Variants in ZNF682 observed in about 807,000 individuals in gnomAD.
The protein encoded by ZNF682 is zinc finger protein 682.
In ZNF682, 29 loss-of-function variants were observed where a neutral mutation model predicts 36.5. That is an observed-to-expected ratio of 0.80 (90% CI 0.59 to 1.08). The LOEUF (loss-of-function observed/expected upper bound fraction) is 1.08, where lower values mean the gene tolerates loss of function less well. Ranked by LOEUF, ZNF682 falls within the 50% of genes least tolerant of loss-of-function variation. The pLI is 0.00. For synonymous variants in ZNF682, 180 were observed against 197.0 expected (o/e 0.91, Z 0.72); for missense variants, 561 against 579.7 (o/e 0.97, Z 0.33).
At chr19:20,003,059 T>A (rs545987582), downstream of ZNF682, among the ~76,000 whole-genome samples, 1 of 150,642 alleles carries the variant, frequency 6.6e-6, no homozygotes, top group East Asian at 2.0e-4. Flanking sequence ...GGCGTGGTGG[T>A]GGGCGCCTGT....
chr19:20,014,598 C>T (rs1025984116), intron 3 of ZNF682, among the ~76,000 whole-genome samples: 8 of 141,504 alleles, frequency 5.7e-5, no homozygotes, highest in East Asian at 2.0e-4. Context: ...GGTGAAACCT[C>T]GTCTCTACTA....
intron 1 of ZNF682, among the ~76,000 whole-genome samples, chr19:20,027,007 GTAAGTTCTAAAGCCAA>G (rs1223748444): frequency 6.6e-6 from 1 of 152,210 alleles, no homozygotes; most frequent in Non-Finnish European, 1.5e-5. Flanking sequence ...GTAAAAGTTT[GTAAGTTCTAAAGCCAA>G]GACATTCAAG....
At position 20,015,245 on chromosome 19, in the gene ZNF682, A is replaced by C; in HGVS notation, c.226+7759T>G. The C allele has an allele frequency of 6.1e-6, 6 of 985,396 alleles. No homozygotes were observed. The South Asian group carries it at 2.3e-4, about 39-fold the overall frequency. 61.0% of individuals were successfully genotyped at this position (985,396 alleles called of 1,614,324 possible). A position where few individuals can be genotyped will look rare whatever the true frequency, so the allele number is the denominator to read the frequency against. On this transcript the variant is annotated intron_variant, in intron 3 of 3. Coordinates refer to ENST00000397165, the MANE Select transcript of ZNF682 (RefSeq NM_033196.3). ...ACCAATGAATAGATGTTGAATTTAC[A>C]ACAATTCTCATGACTCCTCATCTAA...
intron 1 of ZNF682, among the ~76,000 whole-genome samples, chr19:20,026,767 C>G (rs2088435729): frequency 6.6e-6 from 1 of 152,122 alleles, no homozygotes; most frequent in South Asian, 2.1e-4. Flanking sequence ...TGCCCAGTCA[C>G]AAAGAGAACA....
chr19:20,000,713 G>A (rs796413844), downstream of ZNF682, among the ~76,000 whole-genome samples: 1 of 152,212 alleles, frequency 6.6e-6, no homozygotes, highest in Non-Finnish European at 1.5e-5. Context: ...CTATGCAGAT[G>A]TTCCTATGTG....
At chr19:20,031,759 A>G (rs1217294788) in intron 1 of ZNF682, among the ~76,000 whole-genome samples, 1 of 152,120 alleles carries the variant, frequency 6.6e-6, no homozygotes, top group African/African-American at 2.4e-5. Context: ...TGGCTAATAC[A>G]GTGAAACCCC....
chr19:19,996,153 A>G (rs1364699855), downstream of ZNF682, among the ~76,000 whole-genome samples: 1 of 152,222 alleles, frequency 6.6e-6, no homozygotes, highest in Non-Finnish European at 1.5e-5. Flanking sequence ...AGGAGGCTTG[A>G]GCACCCATGG....
chr19:20,017,287 A>T (rs1478081933), intron 3 of ZNF682, among the ~76,000 whole-genome samples: 3 of 152,232 alleles, frequency 2.0e-5, no homozygotes, highest in Non-Finnish European at 2.9e-5. Flanking sequence ...ATGAGTTAAA[A>T]ACAAAATCTT....
chr19:20,036,095 A>G (rs2122395177), intron 1 of ZNF682, among the ~76,000 whole-genome samples: 1 of 152,282 alleles, frequency 6.6e-6, no homozygotes, highest in Non-Finnish European at 1.5e-5. Flanking sequence ...ACATATAACT[A>G]TGCCAACTGT....
chr19:20,019,001 T>A (rs562145459), intron 3 of ZNF682, among the ~76,000 whole-genome samples: 1 of 152,292 alleles, frequency 6.6e-6, no homozygotes, highest in African/African-American at 2.4e-5. Context: ...AATCACATAT[T>A]TGATAGGAGT....
intron 1 of ZNF682, 84 bp from the exon 2 acceptor site, chr19:20,024,460 T>A: frequency 1.4e-6 from 2 of 1,435,920 alleles, no homozygotes; most frequent in Non-Finnish European, 1.9e-6. Context: ...TTGCTGTGAC[T>A]TATGAGAGTT....
chr19:20,035,509 C>G (rs2088520832), intron 1 of ZNF682, among the ~76,000 whole-genome samples: 2 of 151,972 alleles, frequency 1.3e-5, no homozygotes, highest in South Asian at 4.2e-4. Flanking sequence ...CAGGTGTGAG[C>G]CACCGCACCT....
In ZNF682 at chr19:20,018,195, G is replaced by A. The variant is rs1324510421; in HGVS notation, c.226+4809C>T. Among the ~76,000 whole-genome samples the A allele has an allele frequency of 7.5e-5, 10 of 132,842 alleles. No homozygotes were observed. In the South Asian group the frequency reaches 1.5e-3, roughly 20 times the overall value. The allele number at this position is 132,842 out of a possible 152,430, so 87.1% of individuals were successfully genotyped here. A position where few individuals can be genotyped will look rare whatever the true frequency, so the allele number is the denominator to read the frequency against. ...TGCAAGCTCCGCCTCCCGGGTTCAC[G>A]CCATTCTCCCGCCTCAGCCTCCCAA... is the stretch of plus-strand genomic sequence containing the variant. On this transcript the variant is annotated intron_variant, in intron 3 of 3. Coordinates refer to ENST00000397165, the MANE Select transcript of ZNF682 (RefSeq NM_033196.3).
At chr19:19,999,220 G>A (rs2088147726) in intron 3 of ZNF682, among the ~76,000 whole-genome samples, 2 of 152,180 alleles carry the variant, frequency 1.3e-5, no homozygotes, top group African/African-American at 4.8e-5. Flanking sequence ...AAGCTTCCTA[G>A]TCCATGGTTC....
At chr19:19,995,742 T>C (rs1383511295), downstream of ZNF682, among the ~76,000 whole-genome samples, 1 of 151,232 alleles carries the variant, frequency 6.6e-6, no homozygotes. Context: ...GCCACCCATC[T>C]GTGAACACAT....
At chr19:19,997,957 T>TTA (rs1222474325) in intron 3 of ZNF682, among the ~76,000 whole-genome samples, 1 of 152,118 alleles carries the variant, frequency 6.6e-6, no homozygotes, top group Non-Finnish European at 1.5e-5. Context: ...GCACCTTGAG[T>TTA]TATTATTAAC....
Position 20,013,634 on chromosome 19 carries a change from G to A in ZNF682, c.227-6359C>T, listed in dbSNP as rs140206018. Among the ~76,000 whole-genome samples the A allele has an allele frequency of 2.2e-3, 333 of 152,202 alleles. 1 individual carries two copies. Among genetic ancestry groups the A allele is most frequent in the African/African-American group, 7.4e-3 (308 of 41,508 alleles). On this transcript the variant is annotated intron_variant, in intron 3 of 3. Coordinates refer to ENST00000397165, the MANE Select transcript of ZNF682 (RefSeq NM_033196.3). ...TCGCTCTTGTTGCCCAGGCTGGAGC[G>A]CAGTGGCGCGATCTGGGCTCACCAC...
At chr19:20,019,405 A>G (rs1368114898) in intron 3 of ZNF682, among the ~76,000 whole-genome samples, 1 of 152,222 alleles carries the variant, frequency 6.6e-6, no homozygotes, top group African/African-American at 2.4e-5. Context: ...CCTATTTGAT[A>G]CTGTTCTTGG....
intron 1 of ZNF682, chr19:20,039,073 C>A (rs1038080929): frequency 3.7e-5 from 46 of 1,258,828 alleles, no homozygotes; most frequent in Non-Finnish European, 4.7e-5. Flanking sequence ...GCAGTCGGGG[C>A]AGACGCAAGA....
Sources: allele counts gnomAD v4.1 joint callset (sites outside exome capture counted in the v4.1 genomes callset), GRCh38; gene constraint gnomAD v4.1.1; transcripts MANE v1.5; gene names NCBI Gene and HGNC (gene_info 2026-07-23, HGNC 2026-07-21).